The following PLEKHG1 variants were observed in gnomAD, a reference collection of about 807,000 sequenced individuals.
The protein encoded by PLEKHG1 is pleckstrin homology and RhoGEF domain containing G1.
Under a neutral mutation model 100.8 loss-of-function variants are expected in PLEKHG1, and 44 were observed. That is an observed-to-expected ratio of 0.44 (90% CI 0.34 to 0.56). The LOEUF (loss-of-function observed/expected upper bound fraction) is 0.56. Among genes scored for constraint, PLEKHG1 ranks in the 20% least tolerant of loss-of-function variants. The pLI, the probability that PLEKHG1 is intolerant of heterozygous loss-of-function variation, is 0.01. For synonymous variants in PLEKHG1, 640 were observed against 662.5 expected, an observed-to-expected ratio of 0.97 and a Z score of 0.52; for missense variants, 1,545 against 1,720.9, an observed-to-expected ratio of 0.90 and a Z score of 1.81.
intron 4 of PLEKHG1, among the ~76,000 whole-genome samples, chr6:150,795,108 G>T (rs1786238829): frequency 6.6e-6 from 1 of 152,016 alleles, no homozygotes; most frequent in African/African-American, 2.4e-5. Context: ...TAATTTCAAG[G>T]CCAGGCATAG....
rs531721254 is a variant in PLEKHG1, at chr6:150,688,125, G to T, written c.-99+37339G>T. ...ATGAGTGATTATTTGTAAAACCTAG[G>T]CATTCCGTAAGAAGTGCGAATCACA... On this transcript the variant is annotated intron_variant, in intron 3 of 3. Transcript: ENST00000367326. Among the ~76,000 whole-genome samples, 8 of 151,804 alleles carry T rather than the reference G, an allele frequency of 5.3e-5. No homozygotes were observed. In the South Asian group the frequency reaches 1.7e-3, roughly 32 times the overall value.
chr6:150,764,155 T>G (rs1237513714), intron 2 of PLEKHG1, among the ~76,000 whole-genome samples: 1 of 151,882 alleles, frequency 6.6e-6, no homozygotes, highest in Non-Finnish European at 1.5e-5. Flanking sequence ...TTAGCTCTTG[T>G]TGCCCAGGCT....
intron 1 of PLEKHG1, among the ~76,000 whole-genome samples, chr6:150,609,649 A>C (rs956088233): frequency 1.3e-5 from 2 of 152,086 alleles, no homozygotes; most frequent in Non-Finnish European, 2.9e-5. Context: ...GAAGCAGGGG[A>C]GTAACATAAC....
chr6:150,760,174 T>C (rs1257646345), intron 2 of PLEKHG1, among the ~76,000 whole-genome samples: 1 of 152,184 alleles, frequency 6.6e-6, no homozygotes, highest in Non-Finnish European at 1.5e-5. Context: ...AGTCCTCTGA[T>C]TATAATGAAG....
At position 150,658,357 on chromosome 6, in the gene PLEKHG1, G is replaced by C. The variant is rs117378325; in HGVS notation, c.-99+7571G>C. ...GATCTTAAGTCCTGTATTAAGGCGAGTATTTTCTTTTAATATTCTTTGTCT... is the reference window on the plus strand; with the variant it reads ...GATCTTAAGTCCTGTATTAAGGCGACTATTTTCTTTTAATATTCTTTGTCT... On this transcript the variant is annotated intron_variant, in intron 3 of 3. Coordinates refer to the PLEKHG1 transcript ENST00000367326. Among the ~76,000 whole-genome samples the C allele has an allele frequency of 6.4e-3, 980 of 152,264 alleles. 6 individuals carry two copies. Among genetic ancestry groups the C allele is most frequent in the Middle Eastern group, 0.031 (9 of 294 alleles).
At chr6:150,740,312 C>A (rs982627541) in intron 2 of PLEKHG1, among the ~76,000 whole-genome samples, 2 of 152,210 alleles carry the variant, frequency 1.3e-5, no homozygotes, top group African/African-American at 4.8e-5. Context: ...ATGGAAAGGG[C>A]AGTGTGCATC....
intron 3 of PLEKHG1, among the ~76,000 whole-genome samples, chr6:150,654,062 G>A (rs1778862572): frequency 2.0e-5 from 3 of 152,252 alleles, no homozygotes; most frequent in South Asian, 4.1e-4. Context: ...TGTTCTGTGT[G>A]CCTTCTTGTC....
chr6:150,734,175 G>C, intron 2 of PLEKHG1, 83 bp downstream of exon 3: 1 of 1,377,214 alleles, frequency 7.3e-7, no homozygotes, highest in South Asian at 1.4e-5. Flanking sequence ...CCAGGTGTAG[G>C]GGATGTCTTC....
chr6:150,797,843 A>C (rs1786442871), intron 5 of PLEKHG1, among the ~76,000 whole-genome samples: 2 of 122,530 alleles, frequency 1.6e-5, no homozygotes, highest in Non-Finnish European at 3.4e-5. Flanking sequence ...TCAAAAAAAA[A>C]AAAAAAAAAA....
At chr6:150,663,787 C>T (rs1336648016) in intron 3 of PLEKHG1, 4 of 152,174 alleles carry the variant, frequency 2.6e-5, no homozygotes, top group Non-Finnish European at 5.9e-5. Flanking sequence ...CTCCTGACCT[C>T]GTGATCCGCC....
At chr6:150,782,064 C>A (rs1406501256) in intron 3 of PLEKHG1, among the ~76,000 whole-genome samples, 1 of 152,076 alleles carries the variant, frequency 6.6e-6, no homozygotes, top group Non-Finnish European at 1.5e-5. Flanking sequence ...AGGTGTGAAC[C>A]ACCATGCCCG....
chr6:150,634,225 C>T (rs941284872), intron 1 of PLEKHG1, among the ~76,000 whole-genome samples: 2 of 125,442 alleles, frequency 1.6e-5, no homozygotes, highest in African/African-American at 6.7e-5. Flanking sequence ...GCCTGGCCAA[C>T]AAGAGCAAAA....
chr6:150,752,584 C>T (rs930199970), intron 2 of PLEKHG1, among the ~76,000 whole-genome samples: 2 of 152,170 alleles, frequency 1.3e-5, no homozygotes, highest in African/African-American at 4.8e-5. Context: ...AGCATGTTTC[C>T]AAGGTTCATT....
At position 150,683,934 on chromosome 6, in the gene PLEKHG1, G is replaced by A. The variant is rs1243300942; in HGVS notation, c.-99+33148G>A. On this transcript the variant is annotated intron_variant, in intron 3 of 3. Transcript: ENST00000367326. The surrounding 1 kb of genome is among the most constrained non-coding windows in gnomAD (Gnocchi z 4.0). ...GCACCTGCAGCCAGGGTGGTGGCAA[G>A]GGCAGTGGCAAGTAGTGGGTTTCAT... 1 of 665,470 alleles carries A rather than the reference G, an allele frequency of 1.5e-6. No homozygotes were observed. The highest frequency in any genetic ancestry group is 1.9e-5 in the African/African-American group (1 of 52,522). 41.2% of individuals were successfully genotyped at this position (665,470 alleles called of 1,614,324 possible).
intron 1 of PLEKHG1, among the ~76,000 whole-genome samples, chr6:150,602,280 A>T (rs1003735653): frequency 2.0e-5 from 3 of 152,134 alleles, no homozygotes; most frequent in Non-Finnish European, 2.9e-5. Flanking sequence ...TCTTTCAAGC[A>T]GTTGTCATCT....
intron 2 of PLEKHG1, among the ~76,000 whole-genome samples, chr6:150,741,894 C>T (rs531695998): frequency 5.3e-5 from 8 of 152,198 alleles, no homozygotes; most frequent in Non-Finnish European, 8.8e-5. Flanking sequence ...GAACGTTTAG[C>T]AGCAAGGCTG....
chr6:150,819,514 C>T (rs940753678), intron 11 of PLEKHG1, among the ~76,000 whole-genome samples, 165 bp from the exon 13 acceptor site: 2 of 151,698 alleles, frequency 1.3e-5, no homozygotes, highest in Non-Finnish European at 2.9e-5. Context: ...AGCAGTGAGC[C>T]GAGATCATGC....
rs1776264048 is a variant in PLEKHG1 at position 150,600,038 on chromosome 6, G to A, written c.-204+21G>A. ...CCCGGGTAAGCGCCGGTCGGGCCCGGACGCCCTGGGGACTTTTCCAGGGAT... is the reference window on the plus strand; with the variant it reads ...CCCGGGTAAGCGCCGGTCGGGCCCGAACGCCCTGGGGACTTTTCCAGGGAT... On this transcript the variant is annotated intron_variant, in intron 1 of 3. Coordinates refer to the PLEKHG1 transcript ENST00000367326. The surrounding 1 kb of genome is among the most constrained non-coding windows in gnomAD (Gnocchi z 6.2). 5 of 220,586 alleles carry A rather than the reference G, an allele frequency of 2.3e-5. No individual in the cohort carries two copies. Among genetic ancestry groups the A allele is most frequent in the South Asian group, 1.6e-4 (4 of 24,272 alleles). The allele number at this position is 220,586 out of a possible 1,614,324, so 13.7% of individuals were successfully genotyped here.
At chr6:150,777,659 C>T (rs1308777620) in intron 3 of PLEKHG1, among the ~76,000 whole-genome samples, 1 of 151,074 alleles carries the variant, frequency 6.6e-6, no homozygotes, top group Non-Finnish European at 1.5e-5. Flanking sequence ...TCCTGGTGCA[C>T]ATGTGCAGTT....
Sources: allele counts gnomAD v4.1 joint callset (sites outside exome capture counted in the v4.1 genomes callset), GRCh38; gene constraint gnomAD v4.1.1; non-coding constraint Gnocchi (gnomAD v3.1); transcripts MANE v1.5; gene names NCBI Gene and HGNC (gene_info 2026-07-23, HGNC 2026-07-21).